MCU: variants seen among roughly 807,000 people sequenced by gnomAD.
The protein encoded by MCU is calcium uniporter protein, mitochondrial.
A neutral mutation model predicts 45.2 loss-of-function variants in MCU; 12 were observed. The ratio of observed to expected loss-of-function variants is 0.27; its 90% CI spans 0.17 to 0.43. The LOEUF (loss-of-function observed/expected upper bound fraction) is 0.43, where lower values mean the gene tolerates loss of function less well. MCU is among the 20% of genes least tolerant of loss of function. The pLI is 1.00. For synonymous variants in MCU, 160 were observed against 165.1 expected (o/e 0.97, Z 0.24); for missense variants, 324 against 436.7 (o/e 0.74, Z 2.30).
intron 1 of MCU, among the ~76,000 whole-genome samples, chr10:72,809,015 A>C (rs747346440): frequency 8.5e-5 from 13 of 152,222 alleles, no homozygotes; most frequent in Non-Finnish European, 1.8e-4. Flanking sequence ...TTATCCTTTC[A>C]GCAATGAGGA....
intron 2 of MCU, among the ~76,000 whole-genome samples, chr10:72,845,209 G>A (rs560365130): frequency 1.3e-5 from 2 of 152,154 alleles, no homozygotes; most frequent in Non-Finnish European, 2.9e-5. Flanking sequence ...TTAATAAATG[G>A]TGCTATTACA....
intron 1 of MCU, among the ~76,000 whole-genome samples, chr10:72,705,407 C>T (rs116482181): frequency 0.015 from 2,279 of 152,228 alleles, 52 homozygotes; most frequent in African/African-American, 0.051. Flanking sequence ...CTGGGTTGGG[C>T]GCTGTGGCTC....
At chr10:72,842,743 T>C (rs950657584) in intron 2 of MCU, among the ~76,000 whole-genome samples, 1 of 151,890 alleles carries the variant, frequency 6.6e-6, no homozygotes, top group Non-Finnish European at 1.5e-5. Flanking sequence ...TCAGGTTTTG[T>C]AAACATTTAT....
chr10:72,706,578 G>T (rs1181746287), intron 1 of MCU, among the ~76,000 whole-genome samples: 1 of 148,482 alleles, frequency 6.7e-6, no homozygotes, highest in Non-Finnish European at 1.5e-5. Context: ...TCGCTCTGTC[G>T]CCAGGCTGGA....
At chr10:72,821,629 G>T (rs1441825254) in intron 1 of MCU, among the ~76,000 whole-genome samples, 1 of 152,056 alleles carries the variant, frequency 6.6e-6, no homozygotes, top group Non-Finnish European at 1.5e-5. Flanking sequence ...TATTTAGAAA[G>T]TTCCTCACAA....
intron 1 of MCU, among the ~76,000 whole-genome samples, chr10:72,729,599 C>T (rs532517699): frequency 6.6e-6 from 1 of 152,360 alleles, no homozygotes; most frequent in Non-Finnish European, 1.5e-5. Context: ...GTTTCTGCTT[C>T]TTGCTCACTC....
At chr10:72,749,886 C>T (rs2132708003) in intron 1 of MCU, among the ~76,000 whole-genome samples, 1 of 152,186 alleles carries the variant, frequency 6.6e-6, no homozygotes, top group East Asian at 1.9e-4. Context: ...CCTGCCTCAG[C>T]CTCCCAAGTA....
intron 1 of MCU, among the ~76,000 whole-genome samples, chr10:72,793,768 G>C (rs1844203228): frequency 6.6e-6 from 1 of 152,104 alleles, no homozygotes; most frequent in Non-Finnish European, 1.5e-5. Context: ...TGGTATCTAA[G>C]AGTAAGCATC....
chr10:72,715,535 T>C (rs1396064068), intron 1 of MCU, among the ~76,000 whole-genome samples: 1 of 152,182 alleles, frequency 6.6e-6, no homozygotes, highest in African/African-American at 2.4e-5. Context: ...GTTACTCTGG[T>C]CTCCTGGAAA....
chr10:72,842,408 C>T (rs1845061259), intron 2 of MCU, among the ~76,000 whole-genome samples: 1 of 152,224 alleles, frequency 6.6e-6, no homozygotes, highest in African/African-American at 2.4e-5. Flanking sequence ...TTTCCTTGCA[C>T]AAGCCTAACC....
chr10:72,865,799 T>C (rs1202888865), intron 4 of MCU, among the ~76,000 whole-genome samples: 1 of 149,002 alleles, frequency 6.7e-6, no homozygotes, highest in Non-Finnish European at 1.5e-5. Flanking sequence ...TTTTTTGAGA[T>C]GGAGTCTTGC....
At chr10:72,707,014 G>A (rs12781017) in intron 1 of MCU, among the ~76,000 whole-genome samples, 2 of 151,038 alleles carry the variant, frequency 1.3e-5, no homozygotes, top group Non-Finnish European at 2.9e-5. Flanking sequence ...ATTTTTAGTA[G>A]AGATGGGGTT....
chr10:72,810,634 G>GGTTGTTGTT (rs71021536), intron 1 of MCU, among the ~76,000 whole-genome samples: 4,545 of 146,832 alleles, frequency 0.031, 117 homozygotes, highest in Middle Eastern at 0.098. Flanking sequence ...CGCCCAGCTA[G>GGTTGTTGTT]GTTGTTGTTG....
At chr10:72,721,541 G>A (rs369250598) in intron 1 of MCU, among the ~76,000 whole-genome samples, 29 of 152,134 alleles carry the variant, frequency 1.9e-4, no homozygotes, top group East Asian at 1.5e-3. Context: ...CAAACATGCT[G>A]AACATGCACC....
At chr10:72,753,690 C>T (rs975705346) in intron 1 of MCU, among the ~76,000 whole-genome samples, 1 of 152,084 alleles carries the variant, frequency 6.6e-6, no homozygotes, top group Non-Finnish European at 1.5e-5. Flanking sequence ...ACCTGGGCAA[C>T]ATGGCAAAAT....
intron 1 of MCU, among the ~76,000 whole-genome samples, chr10:72,728,434 A>C (rs1004728611): frequency 6.6e-6 from 1 of 152,190 alleles, no homozygotes; most frequent in African/African-American, 2.4e-5. Context: ...TTGGAGGATT[A>C]ATTTAGATTT....
intron 1 of MCU, among the ~76,000 whole-genome samples, chr10:72,816,440 T>A (rs1203231745): frequency 6.6e-6 from 1 of 152,198 alleles, no homozygotes; most frequent in African/African-American, 2.4e-5. Flanking sequence ...GCTGTTCCTT[T>A]ACAGCCAATT....
chr10:72,762,854 A>C (rs891685719), intron 1 of MCU, among the ~76,000 whole-genome samples: 1 of 152,106 alleles, frequency 6.6e-6, no homozygotes, highest in Non-Finnish European at 1.5e-5. Flanking sequence ...TAAAATAACA[A>C]ATTTATTATC....
intron 1 of MCU, among the ~76,000 whole-genome samples, chr10:72,818,907 A>T (rs976615055): frequency 2.6e-5 from 4 of 152,136 alleles, no homozygotes; most frequent in Non-Finnish European, 4.4e-5. Flanking sequence ...ATGATATTAA[A>T]CATATTGGCA....
Sources: allele counts gnomAD v4.1 joint callset (sites outside exome capture counted in the v4.1 genomes callset), GRCh38; gene constraint gnomAD v4.1.1; transcripts MANE v1.5; gene names NCBI Gene and HGNC (gene_info 2026-07-23, HGNC 2026-07-21).